Variants in TENM3 observed in about 807,000 individuals in gnomAD.
The protein encoded by TENM3 is teneurin-3.
A neutral mutation model predicts 255.1 loss-of-function variants in TENM3; 63 were observed. The observed-to-expected ratio is 0.25, with a 90% CI of 0.20 to 0.30. The LOEUF (loss-of-function observed/expected upper bound fraction) is 0.30, where lower values mean the gene tolerates loss of function less well. TENM3 is among the 10% of genes least tolerant of loss of function. TENM3 has a pLI of 1.00. For synonymous variants in TENM3, 1,306 were observed against 1,322.3 expected (o/e 0.99, Z 0.27); for missense variants, 2,929 against 3,461.1 (o/e 0.85, Z 3.86).
At chr4:181,483,880 C>G in the TENM3 span, among the ~76,000 whole-genome samples, 1 of 152,152 alleles carries the variant, frequency 6.6e-6, no homozygotes, top group Non-Finnish European at 1.5e-5. Context: ...TAGTAAACTT[C>G]TTTTCTCTGT....
At chr4:182,524,180 G>T (rs1472090632) in intron 3 of TENM3, among the ~76,000 whole-genome samples, 1 of 152,212 alleles carries the variant, frequency 6.6e-6, no homozygotes, top group South Asian at 2.1e-4. Flanking sequence ...AAGGAAGAAC[G>T]TGCTCACAAC....
At chr4:182,526,976 ATT>A (rs34308223) in intron 3 of TENM3, among the ~76,000 whole-genome samples, 72 of 148,006 alleles carry the variant, frequency 4.9e-4, no homozygotes, top group African/African-American at 1.7e-3. Flanking sequence ...GAGTTCTTTA[ATT>A]TTTTTTTTTC....
At chr4:182,364,009 G>C (rs918572951) in intron 3 of TENM3, among the ~76,000 whole-genome samples, 2 of 152,064 alleles carry the variant, frequency 1.3e-5, no homozygotes, top group Admixed American at 1.3e-4. Context: ...CCATTGTATA[G>C]ATGGCAGAGT....
At chr4:182,260,164 A>G (rs552238801) in intron 1 of TENM3, among the ~76,000 whole-genome samples, 2 of 152,310 alleles carry the variant, frequency 1.3e-5, no homozygotes, top group South Asian at 4.1e-4. Flanking sequence ...GCGATTTCAT[A>G]TCTTGGCTAT....
chr4:181,840,033 A>C, the TENM3 span, among the ~76,000 whole-genome samples: 1 of 152,012 alleles, frequency 6.6e-6, no homozygotes, highest in Non-Finnish European at 1.5e-5. Flanking sequence ...AGTATGTTAT[A>C]CTTTTCCACC....
the TENM3 span, among the ~76,000 whole-genome samples, chr4:181,788,333 T>C: frequency 6.6e-6 from 1 of 152,168 alleles, no homozygotes. Flanking sequence ...TCATGAATGG[T>C]AGATCTTTTA....
At chr4:182,359,649 G>T (rs1765819865) in intron 3 of TENM3, among the ~76,000 whole-genome samples, 2 of 137,606 alleles carry the variant, frequency 1.5e-5, no homozygotes, top group African/African-American at 2.6e-5. Context: ...TATCAATTTT[G>T]TTGATTGTTT....
At chr4:181,621,115 A>C in the TENM3 span, among the ~76,000 whole-genome samples, 1 of 152,216 alleles carries the variant, frequency 6.6e-6, no homozygotes, top group Non-Finnish European at 1.5e-5. Flanking sequence ...ACAATAATCA[A>C]AGAGGTCAAA....
intron 3 of TENM3, among the ~76,000 whole-genome samples, chr4:182,516,890 C>CAAA (rs71605070): frequency 1.8e-4 from 23 of 128,200 alleles, no homozygotes; most frequent in Admixed American, 1.0e-3. Flanking sequence ...GACCCAGTCT[C>CAAA]AAAAAAAAAA....
At chr4:182,627,700 G>A (rs149543996) in intron 4 of TENM3, among the ~76,000 whole-genome samples, 397 of 23,020 alleles carry the variant, frequency 0.017, 1 homozygote, top group Non-Finnish European at 0.029. Flanking sequence ...AATATTAAAA[G>A]TAAACCATGA....
chr4:182,310,671 GT>G (rs34944408), intron 1 of TENM3, among the ~76,000 whole-genome samples: 36,013 of 146,220 alleles, frequency 0.25, 4,474 homozygotes, highest in African/African-American at 0.27. Context: ...GGGGAAGGGT[GT>G]TTTTTTTTTT....
chr4:181,927,667 G>T, the TENM3 span, among the ~76,000 whole-genome samples: 13 of 152,214 alleles, frequency 8.5e-5, no homozygotes, highest in African/African-American at 2.9e-4. Context: ...CAGTGCTCCA[G>T]CTCTGCTAAG....
intron 1 of TENM3, among the ~76,000 whole-genome samples, chr4:182,161,846 T>TAC (rs1414738433): frequency 1.3e-5 from 1 of 77,840 alleles, no homozygotes; most frequent in Non-Finnish European, 2.6e-5. Context: ...TGTGTATATA[T>TAC]ACACAAATAT....
At chr4:181,768,635 T>C in the TENM3 span, among the ~76,000 whole-genome samples, 9 of 152,194 alleles carry the variant, frequency 5.9e-5, no homozygotes, top group Non-Finnish European at 1.3e-4. Flanking sequence ...CAGTGCCAAT[T>C]TATATGACAA....
chr4:182,714,108 A>C lies in TENM3; in HGVS notation c.2243A>C (p.Asn748Thr). 6.2e-7 allele frequency: 1 copy of C among 1,613,886 alleles called. No individual in the cohort carries two copies. Among genetic ancestry groups the C allele is most frequent in the Non-Finnish European group, 8.5e-7 (1 of 1,179,838 alleles). The stretch of plus-strand genomic sequence containing the variant: ...ACAGAGGGTTGTCCTGGTCTGTGCA[A>C]CAGCAATGGAAGATGTACCCTGGAC... ...CTIEGCPGLCNSNGRCTLDQN... is the reference protein window; with the variant it reads ...CTIEGCPGLCTSNGRCTLDQN... The change falls in exon 13 of 28, where the codon AAC (asparagine) becomes ACC (threonine). Residue 748 changes from asparagine (N) to threonine (T), a missense_variant. Asn to Thr is a moderately conservative substitution (Grantham distance 65, BLOSUM62 0). Coordinates refer to ENST00000511685, the MANE Select transcript of TENM3 (RefSeq NM_001080477.4).
the TENM3 span, among the ~76,000 whole-genome samples, chr4:181,858,289 G>A: frequency 6.6e-6 from 1 of 152,140 alleles, no homozygotes; most frequent in South Asian, 2.1e-4. Context: ...CAAATACTTT[G>A]CAAGATTTAT....
At chr4:181,567,425 A>G in the TENM3 span, among the ~76,000 whole-genome samples, 1 of 152,348 alleles carries the variant, frequency 6.6e-6, no homozygotes, top group South Asian at 2.1e-4. Context: ...GCACTATAAC[A>G]CTAACATAAA....
intron 4 of TENM3, among the ~76,000 whole-genome samples, chr4:182,622,720 A>G (rs1750414472): frequency 6.6e-6 from 1 of 152,188 alleles, no homozygotes; most frequent in Admixed American, 6.5e-5. Context: ...TTCTTGGCCA[A>G]GGTACTTAAC....
At chr4:182,014,192 A>ATG in the TENM3 span, among the ~76,000 whole-genome samples, 1 of 149,344 alleles carries the variant, frequency 6.7e-6, no homozygotes, top group Non-Finnish European at 1.5e-5. Flanking sequence ...GTGTGTGTAT[A>ATG]TATATATATA....
Sources: allele counts gnomAD v4.1 joint callset (sites outside exome capture counted in the v4.1 genomes callset), GRCh38; gene constraint gnomAD v4.1.1; transcripts MANE v1.5; gene names NCBI Gene and HGNC (gene_info 2026-07-23, HGNC 2026-07-21).